TMPRSS9: variants seen among roughly 807,000 people sequenced by gnomAD.
TMPRSS9 encodes transmembrane protease serine 9.
TMPRSS9 carries 113 observed loss-of-function variants against 111.4 expected under a neutral mutation model. That is an observed-to-expected ratio of 1.01 (90% CI 0.87 to 1.19). The LOEUF is 1.19. Ranked by LOEUF, TMPRSS9 falls within the 50% of genes most tolerant of loss-of-function variation. TMPRSS9 has a pLI of 0.00. For missense variants in TMPRSS9, 1,803 were observed against 1,513.1 expected, an observed-to-expected ratio of 1.19 and a Z score of -3.18; for synonymous variants, 805 against 659.1, an observed-to-expected ratio of 1.22 and a Z score of -3.39.
Position 2,416,945 on chromosome 19 carries a change from T to C in TMPRSS9, c.2017+136T>C, listed in dbSNP as rs1971253678. 2.1e-5 allele frequency: 26 copies of C among 1,213,016 alleles called. No homozygotes were observed. The South Asian group carries it at 4.0e-4, about 19-fold the overall frequency. The allele number at this position is 1,213,016 out of a possible 1,614,324, so 75.1% of individuals were successfully genotyped here. ...GGGACCTCTGTGGCTGATCCCTTTG[T>C]CTTTGGTCCCGCTGCCCACACACCT... On this transcript the variant is annotated intron_variant, in intron 12 of 17. Coordinates refer to ENST00000648592, the Ensembl canonical transcript of TMPRSS9.
At chr19:2,397,929 T>C (rs972627662) in intron 2 of TMPRSS9, among the ~76,000 whole-genome samples, 13 of 122,642 alleles carry the variant, frequency 1.1e-4, no homozygotes, top group Non-Finnish European at 4.9e-5. Flanking sequence ...TAAAAAACAA[T>C]TTTTAAAAAT....
At chr19:2,394,253 CCTGTGGTCT>C (rs57473729) in intron 1 of TMPRSS9, among the ~76,000 whole-genome samples, 103,789 of 151,200 alleles carry the variant, frequency 0.69, 35,807 homozygotes, top group South Asian at 0.77. Flanking sequence ...ATAGTGGGCG[CCTGTGGTCT>C]CTGTGGTCTA....
exon 4 of TMPRSS9, chr19:2,399,140 A>G (rs138763294): frequency 1.2e-6 from 2 of 1,613,272 alleles, no homozygotes; most frequent in Admixed American, 1.7e-5. Context: ...AGGCTGCGGG[A>G]GCACGGCATC....
chr19:2,400,997 G>A (rs1178954660), intron 4 of TMPRSS9, among the ~76,000 whole-genome samples: 20 of 145,808 alleles, frequency 1.4e-4, no homozygotes, highest in Admixed American at 1.2e-3. Flanking sequence ...AAAAATGGCC[G>A]GGCGCGGTGG....
intron 12 of TMPRSS9, among the ~76,000 whole-genome samples, chr19:2,417,687 C>T (rs80352568): frequency 0.016 from 2,505 of 152,184 alleles, 51 homozygotes; most frequent in African/African-American, 0.055. Context: ...TGCTTGCTTG[C>T]GCTAGTCTAT....
chr19:2,410,873 T>C (rs754163659), intron 9 of TMPRSS9, among the ~76,000 whole-genome samples: 41 of 152,140 alleles, frequency 2.7e-4, no homozygotes, highest in Non-Finnish European at 5.7e-4. Context: ...ACCTCTTGTA[T>C]GAATGATGCC....
chr19:2,415,497 G>C (rs1465438534), intron 10 of TMPRSS9, among the ~76,000 whole-genome samples, 173 bp from the exon 12 acceptor site: 2 of 152,140 alleles, frequency 1.3e-5, no homozygotes, highest in Non-Finnish European at 2.9e-5. Context: ...CTTGCTGCAG[G>C]ACCTTGGGCA....
chr19:2,424,783 C>T (rs1370503014), intron 15 of TMPRSS9, among the ~76,000 whole-genome samples: 3 of 152,160 alleles, frequency 2.0e-5, no homozygotes, highest in Non-Finnish European at 4.4e-5. Flanking sequence ...GCCACTAGAC[C>T]CCTTTTCAGA....
exon 17 of TMPRSS9, chr19:2,425,398 C>T: frequency 1.3e-6 from 2 of 1,564,350 alleles, no homozygotes; most frequent in Middle Eastern, 1.7e-4. Context: ...CGTGCGCCTC[C>T]TCAGCGAGCA....
intron 1 of TMPRSS9, among the ~76,000 whole-genome samples, chr19:2,362,152 G>A (rs1970205632): frequency 6.6e-6 from 1 of 152,086 alleles, no homozygotes; most frequent in Admixed American, 6.6e-5. Flanking sequence ...TTGTGTGATT[G>A]TGTATGGTTG....
At chr19:2,412,597 A>C (rs964388094) in intron 9 of TMPRSS9, among the ~76,000 whole-genome samples, 1 of 152,124 alleles carries the variant, frequency 6.6e-6, no homozygotes, top group Non-Finnish European at 1.5e-5. Context: ...CAACCAACCC[A>C]GGTCCTCTTG....
intron 1 of TMPRSS9, among the ~76,000 whole-genome samples, chr19:2,381,793 A>C (rs942132036): frequency 6.6e-6 from 1 of 151,810 alleles, no homozygotes; most frequent in African/African-American, 2.4e-5. Flanking sequence ...AACATTTAGC[A>C]CCCTCGGAGA....
chr19:2,366,241 G>T (rs1301786567), intron 1 of TMPRSS9, among the ~76,000 whole-genome samples: 2 of 151,932 alleles, frequency 1.3e-5, no homozygotes, highest in Non-Finnish European at 2.9e-5. Context: ...TAGCTACTCA[G>T]GCGGCCGAGG....
At chr19:2,379,205 A>C (rs1050187522) in intron 1 of TMPRSS9, among the ~76,000 whole-genome samples, 1 of 48,966 alleles carries the variant, frequency 2.0e-5, no homozygotes, top group Non-Finnish European at 4.0e-5. Context: ...TTTTTTTTTG[A>C]GACAGAGTCT....
chr19:2,408,459 C>A (rs1470360070), exon 8 of TMPRSS9: 2 of 1,613,944 alleles, frequency 1.2e-6, no homozygotes, highest in Admixed American at 1.7e-5. Context: ...CGTCAAGCAC[C>A]CCCTGTACAA....
At chr19:2,425,828 G>A (rs1344329402) in intron 17 of TMPRSS9, 99 bp from the exon 19 acceptor site, 4 of 1,444,932 alleles carry the variant, frequency 2.8e-6, no homozygotes, top group Admixed American at 2.5e-5. Context: ...GCGGCTCCCA[G>A]GGGAAGTCAC....
At chr19:2,417,413 C>A (rs900279275) in intron 12 of TMPRSS9, among the ~76,000 whole-genome samples, 3 of 150,706 alleles carry the variant, frequency 2.0e-5, no homozygotes, top group Non-Finnish European at 4.4e-5. Context: ...CTGCAGTGAG[C>A]TGAGATTGTG....
intron 1 of TMPRSS9, among the ~76,000 whole-genome samples, chr19:2,379,663 TTCTTTCTTTCTTTC>T (rs1384463250): frequency 1.3e-3 from 196 of 149,632 alleles, no homozygotes; most frequent in African/African-American, 4.1e-3. Flanking sequence ...CTTTCTTTCT[TTCTTTCTTTCTTTC>T]TCTTTTTCTT....
intron 1 of TMPRSS9, among the ~76,000 whole-genome samples, chr19:2,380,476 C>A (rs1039334131): frequency 1.3e-5 from 2 of 151,524 alleles, no homozygotes; most frequent in African/African-American, 4.8e-5. Flanking sequence ...TGGCATGCAC[C>A]TGTAATCCCA....
Sources: allele counts gnomAD v4.1 joint callset (sites outside exome capture counted in the v4.1 genomes callset), GRCh38; gene constraint gnomAD v4.1.1; transcripts MANE v1.5; gene names NCBI Gene and HGNC (gene_info 2026-07-23, HGNC 2026-07-21).